The following KMT2E variants were observed in gnomAD, a reference collection of about 807,000 sequenced individuals.
The protein encoded by KMT2E is histone reader KMT2E.
A neutral mutation model predicts 184.6 loss-of-function variants in KMT2E; 30 were observed. That is an observed-to-expected ratio of 0.16 (90% CI 0.12 to 0.22). KMT2E has a LOEUF of 0.22. Among genes scored for constraint, KMT2E ranks in the 10% least tolerant of loss-of-function variants. The pLI, the probability that KMT2E is intolerant of heterozygous loss-of-function variation, is 1.00. For synonymous variants in KMT2E, 815 were observed against 776.5 expected (o/e 1.05, Z -0.82); for missense variants, 2,023 against 2,237.4 (o/e 0.90, Z 1.93).
intron 1 of KMT2E, among the ~76,000 whole-genome samples, chr7:105,032,524 CAG>C (rs1489215132): frequency 3.9e-5 from 6 of 152,110 alleles, no homozygotes; most frequent in Non-Finnish European, 8.8e-5. Context: ...TTTTTAGAGA[CAG>C]AGTCTTGGTC....
In KMT2E at chr7:105,105,972, A is replaced by G. The variant is rs368609154; in HGVS notation, c.2565A>G (p.Pro855=). ...CAGTCAATGGTGAAAATAAAAGTCC[A>G]CTACTATTAAATGACAGCTGTTCCC... ...SPAVNGENKS[P]LLLNDSCSLP... Residue 855 remains proline (P), a synonymous_variant, in exon 19 of 27, where the codon CCA becomes CCG. Coordinates refer to ENST00000311117, the MANE Select transcript of KMT2E (RefSeq NM_182931.3). 1.2e-5 allele frequency: 20 copies of G among 1,612,364 alleles called. No individual in the cohort carries two copies. The highest frequency in any genetic ancestry group is 1.7e-5 in the Non-Finnish European group (20 of 1,179,520).
At chr7:105,062,412 A>C in intron 4 of KMT2E, 134 bp downstream of exon 4, 1 of 548,686 alleles carries the variant, frequency 1.8e-6, no homozygotes. Context: ...TTAGGCGTTT[A>C]ATTTTTCATT....
chr7:105,040,248 CTTGA>C (rs906115734), intron 2 of KMT2E, among the ~76,000 whole-genome samples: 2 of 152,012 alleles, frequency 1.3e-5, no homozygotes, highest in African/African-American at 4.8e-5. Context: ...GTGGAGTAGC[CTTGA>C]TTAAGTTATT....
intron 1 of KMT2E, among the ~76,000 whole-genome samples, chr7:105,031,493 T>C (rs1055194050): frequency 3.3e-5 from 5 of 152,088 alleles, no homozygotes; most frequent in Non-Finnish European, 7.3e-5. Context: ...GGCTCATGCC[T>C]GTAATCCCAT....
chr7:105,082,770 C>T lies in KMT2E; in HGVS notation c.1358+973C>T, dbSNP rs529352139. 7.6e-4 allele frequency among the ~76,000 whole-genome samples: 116 copies of T among 152,202 alleles called. 1 individual carries two copies. Among genetic ancestry groups the T allele is most frequent in the Middle Eastern group, 3.4e-3 (1 of 294 alleles). ...ATGTTTCTATATGGTGCCAGTCTTC[C>T]GTCATTTGCTTTAGCTTCAGTGCCC... is the stretch of plus-strand genomic sequence containing the variant. On this transcript the variant is annotated intron_variant, in intron 13 of 26. Transcript: ENST00000311117.
chr7:105,114,502 T>C lies in KMT2E; in HGVS notation c.*1169T>C, dbSNP rs1799515015. 1 of 152,216 alleles carries C rather than the reference T, an allele frequency of 6.6e-6. No homozygotes were observed. The highest frequency in any genetic ancestry group is 1.5e-5 in the Non-Finnish European group (1 of 68,032). The allele number at this position is 152,216 out of a possible 1,614,324, so 9.4% of individuals were successfully genotyped here. A position where few individuals can be genotyped will look rare whatever the true frequency, so the allele number is the denominator to read the frequency against. ...TGGCCTCTTAAGTGAACGTTTTTAT[T>C]GCTAAAATATAAAATGCTAGTTAGT... On this transcript the variant is annotated 3_prime_UTR_variant, in exon 27 of 27. Transcript: ENST00000311117.
chr7:105,076,178 G>T (rs969452988), intron 9 of KMT2E, 97 bp downstream of exon 9: 2 of 841,026 alleles, frequency 2.4e-6, no homozygotes, highest in Admixed American at 4.5e-5. Context: ...TCTGTTTATT[G>T]TGTGTCATGT....
At chr7:105,110,893 G>A in intron 26 of KMT2E, 25 bp downstream of exon 26, 1 of 1,519,690 alleles carries the variant, frequency 6.6e-7, no homozygotes, top group Non-Finnish European at 9.1e-7. Context: ...CTTTCGATGG[G>A]TTCCAAAGGA....
chr7:105,076,318 T>C (rs1797524957), intron 9 of KMT2E, among the ~76,000 whole-genome samples: 1 of 152,230 alleles, frequency 6.6e-6, no homozygotes, highest in African/African-American at 2.4e-5. Context: ...ATTTTATAAT[T>C]TTGGGCAATT....
In KMT2E at chr7:105,105,909, A is replaced by G. The variant is rs1276450646; in HGVS notation, c.2502A>G (p.Arg834=). 10 of 1,613,642 alleles carry G rather than the reference A, an allele frequency of 6.2e-6. No homozygotes were observed. The highest frequency in any genetic ancestry group is 8.5e-6 in the Non-Finnish European group (10 of 1,179,814). Residue 834 remains arginine, a synonymous_variant, in exon 19 of 27, where the codon AGA becomes AGG. Coordinates refer to ENST00000311117, the MANE Select transcript of KMT2E (RefSeq NM_182931.3). ...AAGAAAATTCAGCAATTTTACATAG[A>G]TTTAATTCACCCTGTCAAGAAAGAT... is the stretch of plus-strand genomic sequence containing the variant. The part of the protein sequence containing the change: ...LEEENSAILH[R]FNSPCQERSR...
intron 1 of KMT2E, among the ~76,000 whole-genome samples, chr7:105,037,687 C>A (rs1795715345): frequency 6.6e-6 from 1 of 152,084 alleles, no homozygotes; most frequent in South Asian, 2.1e-4. Context: ...TTAACACGGT[C>A]TTAAAGGCAG....
chr7:105,034,975 T>C (rs1795577092), intron 1 of KMT2E, among the ~76,000 whole-genome samples: 1 of 151,122 alleles, frequency 6.6e-6, no homozygotes, highest in African/African-American at 2.4e-5. Context: ...TGTGCCTCAG[T>C]CTCCTGATTA....
chr7:105,073,711 C>G lies in KMT2E; in HGVS notation c.556+34C>G, dbSNP rs758544300. On this transcript the variant is annotated intron_variant, in intron 7 of 26. Coordinates refer to ENST00000311117, the MANE Select transcript of KMT2E (RefSeq NM_182931.3). ...AAAGGACCTACACTAAATTAAAATT[C>G]GTGTGATTGAGAGAATAAACGGTTC... The G allele has an allele frequency of 4.2e-5, 55 of 1,321,826 alleles. No homozygotes were observed. The Middle Eastern group carries it at 9.1e-4, about 22-fold the overall frequency. 81.9% of individuals were successfully genotyped at this position (1,321,826 alleles called of 1,614,324 possible). A position where few individuals can be genotyped will look rare whatever the true frequency, so the allele number is the denominator to read the frequency against.
intron 12 of KMT2E, among the ~76,000 whole-genome samples, chr7:105,080,996 C>CTA (rs1018289605): frequency 6.6e-6 from 1 of 151,816 alleles, no homozygotes; most frequent in South Asian, 2.1e-4. Flanking sequence ...GAGTGAGACT[C>CTA]TGTCTCAAAA....
intron 3 of KMT2E, among the ~76,000 whole-genome samples, chr7:105,054,474 A>G (rs375154100): frequency 0.19 from 27,312 of 145,664 alleles, 2,808 homozygotes; most frequent in African/African-American, 0.26. Context: ...CTATCTATCT[A>G]TCTATCTATC....
chr7:105,111,706 ATGT>A, intron 26 of KMT2E, 116 bp from the exon 27 acceptor site: 1 of 1,174,634 alleles, frequency 8.5e-7, no homozygotes, highest in Non-Finnish European at 1.2e-6. Flanking sequence ...CGTATCCAGG[ATGT>A]TATTTCCTGC....
At chr7:105,079,440 T>C (rs1797665263) in intron 12 of KMT2E, among the ~76,000 whole-genome samples, 1 of 150,716 alleles carries the variant, frequency 6.6e-6, no homozygotes, top group African/African-American at 2.4e-5. Context: ...CTGGCCGCTA[T>C]GAAGTCTTAA....
chr7:105,022,711 C>T (rs1047149124), intron 1 of KMT2E, among the ~76,000 whole-genome samples: 1 of 152,036 alleles, frequency 6.6e-6, no homozygotes. Context: ...TGTAAATACA[C>T]GAAGGTTTTT....
intron 1 of KMT2E, among the ~76,000 whole-genome samples, chr7:105,033,329 T>G (rs895966178): frequency 6.6e-6 from 1 of 152,198 alleles, no homozygotes; most frequent in African/African-American, 2.4e-5. Context: ...AAACTTTTAA[T>G]TTTGTGATAA....
Sources: gnomAD v4.1 joint callset for allele counts (sites outside exome capture counted in the v4.1 genomes callset) on GRCh38, gnomAD v4.1.1 for gene constraint, MANE v1.5 for transcripts, NCBI Gene and HGNC (gene_info 2026-07-23, HGNC 2026-07-21) for gene names.